Variants in RGL1 observed in about 807,000 individuals in gnomAD.
RGL1 encodes the protein ral guanine nucleotide dissociation stimulator-like 1.
In RGL1, 24 loss-of-function variants were observed where a neutral mutation model predicts 95.2. That is an observed-to-expected ratio of 0.25 (90% CI 0.18 to 0.35). The LOEUF (loss-of-function observed/expected upper bound fraction) is 0.35, where lower values mean the gene tolerates loss of function less well. Ranked by LOEUF, RGL1 falls within the 10% of genes least tolerant of loss-of-function variation. The pLI is 1.00. For synonymous variants in RGL1, 329 were observed against 344.9 expected (o/e 0.95, Z 0.51); for missense variants, 715 against 936.3 (o/e 0.76, Z 3.08).
At position 183,808,763 on chromosome 1, in the gene RGL1, T is replaced by C. The variant is rs573102303; in HGVS notation, c.138+2278T>C. On this transcript the variant is annotated intron_variant, in intron 2 of 17. Transcript: ENST00000360851. ...GTTGTGATGATCTCTCTCTCTCTCT[T>C]TTTTTTTTTTTTAACATGAGGAGAC... Among the ~76,000 whole-genome samples, 126 of 143,368 alleles carry C rather than the reference T, an allele frequency of 8.8e-4. 1 individual carries two copies. Among genetic ancestry groups the C allele is most frequent in the South Asian group, 2.0e-3 (9 of 4,570 alleles). 94.1% of individuals were successfully genotyped at this position (143,368 alleles called of 152,430 possible). A position where few individuals can be genotyped will look rare whatever the true frequency, so the allele number is the denominator to read the frequency against.
rs771726966 is a variant in RGL1, at chr1:183,922,375, G to A, written c.2119+39G>A. ...CGAGACAGGCATGTTCCTTCCCAGG[G>A]CAGGTGGCTAGCACATGTCCACAGT... On this transcript the variant is annotated intron_variant, in intron 17 of 17. Coordinates refer to ENST00000360851, the MANE Select transcript of RGL1 (RefSeq NM_001297671.3). 11 of 1,489,430 alleles carry A rather than the reference G, an allele frequency of 7.4e-6. No homozygotes were observed. The African/African-American group carries it at 9.7e-5, about 13-fold the overall frequency. The allele number at this position is 1,489,430 out of a possible 1,614,324, so 92.3% of individuals were successfully genotyped here.
chr1:183,828,087 C>T lies in RGL1; in HGVS notation c.139-19479C>T, dbSNP rs557141752. Reference sequence around the variant, plus strand: ...CACATTCCTGGAAAGGGAAATGTTGCAACTTTTTTTTAATAGGAGAGGAGA... The same window carrying T: ...CACATTCCTGGAAAGGGAAATGTTGTAACTTTTTTTTAATAGGAGAGGAGA... On this transcript the variant is annotated intron_variant, in intron 2 of 17. Transcript: ENST00000360851. Among the ~76,000 whole-genome samples the T allele has an allele frequency of 3.3e-5, 5 of 152,052 alleles. No individual in the cohort carries two copies. The South Asian group carries it at 1.0e-3, about 32-fold the overall frequency.
At chr1:183,832,528 A>G (rs1663330711) in intron 2 of RGL1, among the ~76,000 whole-genome samples, 1 of 152,184 alleles carries the variant, frequency 6.6e-6, no homozygotes, top group Non-Finnish European at 1.5e-5. Flanking sequence ...AAAAAGAGGA[A>G]AGAAGGTTGT....
chr1:183,824,781 C>T (rs1195252467), intron 2 of RGL1, among the ~76,000 whole-genome samples: 1 of 152,184 alleles, frequency 6.6e-6, no homozygotes, highest in Non-Finnish European at 1.5e-5. Context: ...TCTTTCATTG[C>T]ATATTTTAAA....
At chr1:183,663,763 C>T (rs940373715) in intron 1 of RGL1, among the ~76,000 whole-genome samples, 4 of 151,246 alleles carry the variant, frequency 2.6e-5, no homozygotes, top group South Asian at 2.1e-4. Context: ...CACGTGCACA[C>T]GTATGTTTAT....
At chr1:183,857,838 A>G (rs1197469969) in intron 3 of RGL1, among the ~76,000 whole-genome samples, 1 of 152,170 alleles carries the variant, frequency 6.6e-6, no homozygotes, top group Non-Finnish European at 1.5e-5. Flanking sequence ...GGAATTCTGG[A>G]TAGGAACATG....
intron 2 of RGL1, among the ~76,000 whole-genome samples, chr1:183,748,198 T>C (rs769552256): frequency 1.2e-4 from 18 of 152,122 alleles, no homozygotes; most frequent in Non-Finnish European, 2.5e-4. Flanking sequence ...TTATTGTGTC[T>C]ATTTGATCCT....
At chr1:183,787,811 TA>T (rs550206663) in intron 2 of RGL1, among the ~76,000 whole-genome samples, 1 of 150,382 alleles carries the variant, frequency 6.6e-6, no homozygotes, top group Non-Finnish European at 1.5e-5. Flanking sequence ...AGCTGATTGT[TA>T]AAAAAAACAA....
At chr1:183,643,964 G>A (rs930643815) in intron 1 of RGL1, among the ~76,000 whole-genome samples, 1 of 152,126 alleles carries the variant, frequency 6.6e-6, no homozygotes, top group Non-Finnish European at 1.5e-5. Context: ...GGTCCTGGGC[G>A]ACAGGGGAGT....
At chr1:183,650,459 C>A (rs191193501) in intron 1 of RGL1, among the ~76,000 whole-genome samples, 2 of 152,084 alleles carry the variant, frequency 1.3e-5, no homozygotes, top group African/African-American at 2.4e-5. Context: ...AGGAGAATAG[C>A]GTGAACCCAG....
intron 4 of RGL1, among the ~76,000 whole-genome samples, chr1:183,870,339 AG>A: frequency 1.5e-5 from 2 of 134,556 alleles, no homozygotes; most frequent in Admixed American, 7.2e-5. Flanking sequence ...CGGCCAGGGT[AG>A]GTGTCTTCCG....
intron 1 of RGL1, among the ~76,000 whole-genome samples, chr1:183,650,254 T>TTCTTTAAAAAAAA (rs141508478): frequency 0.063 from 9,613 of 152,172 alleles, 489 homozygotes; most frequent in African/African-American, 0.14. Context: ...TTATTAAAAA[T>TTCTTTAAAAAAAA]AATATTCGGC....
At chr1:183,851,576 G>A (rs547336286) in intron 3 of RGL1, among the ~76,000 whole-genome samples, 6 of 152,156 alleles carry the variant, frequency 3.9e-5, no homozygotes, top group African/African-American at 1.4e-4. Context: ...ACATATTAAG[G>A]CTTGCATTTC....
intron 9 of RGL1, among the ~76,000 whole-genome samples, chr1:183,894,623 C>T (rs1261317124): frequency 6.6e-6 from 1 of 152,038 alleles, no homozygotes; most frequent in Non-Finnish European, 1.5e-5. Context: ...GGAAAAACTA[C>T]CGGCCTCTGT....
At chr1:183,721,445 T>C (rs1199639249) in intron 1 of RGL1, among the ~76,000 whole-genome samples, 1 of 152,210 alleles carries the variant, frequency 6.6e-6, no homozygotes, top group African/African-American at 2.4e-5. Context: ...AACTGTGATT[T>C]CTTAACTTCA....
intron 2 of RGL1, among the ~76,000 whole-genome samples, chr1:183,753,629 T>C (rs1321150700): frequency 6.6e-6 from 1 of 152,110 alleles, no homozygotes; most frequent in Admixed American, 6.6e-5. Flanking sequence ...CATTTTATAG[T>C]AGGTAATAAA....
chr1:183,879,938 G>A (rs1164239450), intron 4 of RGL1, among the ~76,000 whole-genome samples: 3 of 152,084 alleles, frequency 2.0e-5, no homozygotes, highest in Non-Finnish European at 4.4e-5. Flanking sequence ...TGGACTCTGT[G>A]ACCCACAGAG....
At chr1:183,909,187 G>A (rs926681487) in intron 14 of RGL1, among the ~76,000 whole-genome samples, 10 of 152,194 alleles carry the variant, frequency 6.6e-5, no homozygotes, top group Non-Finnish European at 1.5e-4. Context: ...ATACAAGGGT[G>A]TTTGCATACC....
chr1:183,859,719 G>A (rs1163460033), intron 3 of RGL1, among the ~76,000 whole-genome samples: 1 of 152,194 alleles, frequency 6.6e-6, no homozygotes, highest in Non-Finnish European at 1.5e-5. Flanking sequence ...GCACAGTATA[G>A]GGTTCTCGGC....
Sources: gnomAD v4.1 joint callset for allele counts (sites outside exome capture counted in the v4.1 genomes callset) on GRCh38, gnomAD v4.1.1 for gene constraint, MANE v1.5 for transcripts, NCBI Gene and HGNC (gene_info 2026-07-23, HGNC 2026-07-21) for gene names.